The following TMTC1 variants were observed in gnomAD, a reference collection of about 807,000 sequenced individuals.
TMTC1 encodes protein O-mannosyl-transferase TMTC1.
Under a neutral mutation model 104.8 loss-of-function variants are expected in TMTC1, and 73 were observed. The ratio of observed to expected loss-of-function variants is 0.70; its 90% CI spans 0.58 to 0.85. The LOEUF is 0.85. TMTC1 is among the 40% of genes least tolerant of loss of function. The pLI is 0.00. For synonymous variants in TMTC1, 434 were observed against 428.7 expected, an observed-to-expected ratio of 1.01 and a Z score of -0.15; for missense variants, 1,035 against 1,096.1, an observed-to-expected ratio of 0.94 and a Z score of 0.79.
chr12:29,744,939 T>G (rs1439033378), intron 5 of TMTC1, among the ~76,000 whole-genome samples: 1 of 152,112 alleles, frequency 6.6e-6, no homozygotes, highest in Non-Finnish European at 1.5e-5. Flanking sequence ...TTTTTTTTCT[T>G]TTTAGAGGCA....
chr12:29,760,507 A>C (rs1207259225), intron 2 of TMTC1, among the ~76,000 whole-genome samples: 1 of 152,198 alleles, frequency 6.6e-6, no homozygotes, highest in East Asian at 1.9e-4. Context: ...CTAATTATTA[A>C]ATGAAAAAAC....
chr12:29,763,931 G>C (rs544497390), intron 2 of TMTC1, among the ~76,000 whole-genome samples: 44 of 152,208 alleles, frequency 2.9e-4, no homozygotes, highest in Admixed American at 1.3e-3. Flanking sequence ...AGTGAGGAGG[G>C]GCAATGGGAA....
chr12:29,701,303 G>A (rs139700931), intron 5 of TMTC1, among the ~76,000 whole-genome samples: 157 of 152,136 alleles, frequency 1.0e-3, no homozygotes, highest in South Asian at 1.9e-3. Flanking sequence ...CTGCATCCTC[G>A]AAGTCCACCA....
chr12:29,535,084 C>G (rs1944606608), intron 11 of TMTC1: 1 of 152,322 alleles, frequency 6.6e-6, no homozygotes, highest in South Asian at 2.1e-4. Flanking sequence ...ATCTGAGTAA[C>G]TGCAAAACAA....
At chr12:29,597,619 T>C (rs938547149) in intron 7 of TMTC1, among the ~76,000 whole-genome samples, 1 of 125,956 alleles carries the variant, frequency 7.9e-6, no homozygotes, top group South Asian at 2.3e-4. Flanking sequence ...AGACACGCCA[T>C]AAAATGTGAA....
intron 9 of TMTC1, among the ~76,000 whole-genome samples, chr12:29,571,738 G>A (rs1945684445): frequency 6.6e-6 from 1 of 151,972 alleles, no homozygotes; most frequent in African/African-American, 2.4e-5. Flanking sequence ...GATGTCTAGG[G>A]CTTTCTATAT....
intron 5 of TMTC1, among the ~76,000 whole-genome samples, chr12:29,743,149 G>A (rs1459494680): frequency 2.6e-5 from 4 of 152,078 alleles, no homozygotes; most frequent in East Asian, 1.9e-4. Flanking sequence ...TACTTCTGCC[G>A]TGGTACACAC....
At chr12:29,670,994 A>G (rs1436332931) in intron 5 of TMTC1, among the ~76,000 whole-genome samples, 1 of 144,842 alleles carries the variant, frequency 6.9e-6, no homozygotes, top group Non-Finnish European at 1.5e-5. Flanking sequence ...GATCCATTTA[A>G]GAAATTATCA....
At chr12:29,717,027 A>T (rs892746643) in intron 5 of TMTC1, among the ~76,000 whole-genome samples, 2 of 152,138 alleles carry the variant, frequency 1.3e-5, no homozygotes, top group Non-Finnish European at 2.9e-5. Flanking sequence ...GTCTCAAAAA[A>T]CAAACAAACA....
At chr12:29,580,566 A>C (rs2766604) in intron 8 of TMTC1, among the ~76,000 whole-genome samples, 80,800 of 152,026 alleles carry the variant, frequency 0.53, 24,596 homozygotes, top group Non-Finnish European at 0.67. Flanking sequence ...CAGTGAGGCT[A>C]TATGTTTTAG....
rs1446921546 is a variant in TMTC1, at chr12:29,767,885, C to T, written c.480+13G>A. ...TCATATTCGTTATTTCACTGAGATC[C>T]AATTACACTTACCGCCTCAGTATGA... On this transcript the variant is annotated intron_variant, in intron 2 of 17. Transcript: ENST00000539277. 6.2e-7 allele frequency: 1 copy of T among 1,612,654 alleles called. No homozygotes were observed. Among genetic ancestry groups the T allele is most frequent in the South Asian group, 1.1e-5 (1 of 91,008 alleles).
At chr12:29,517,320 G>C (rs1396741105) in intron 14 of TMTC1, 107 bp downstream of exon 14, 2 of 1,211,946 alleles carry the variant, frequency 1.7e-6, no homozygotes. Flanking sequence ...TCATACAGTG[G>C]ATATATTACG....
At chr12:29,591,083 T>C (rs1434304341) in intron 7 of TMTC1, among the ~76,000 whole-genome samples, 1 of 152,232 alleles carries the variant, frequency 6.6e-6, no homozygotes, top group African/African-American at 2.4e-5. Context: ...TATTGACATA[T>C]GGTTTAAAGA....
At chr12:29,675,496 C>T (rs189783102) in intron 5 of TMTC1, among the ~76,000 whole-genome samples, 12 of 152,068 alleles carry the variant, frequency 7.9e-5, no homozygotes, top group Admixed American at 6.6e-4. Context: ...CTCTAGTAAG[C>T]TGGTACAGTA....
intron 5 of TMTC1, among the ~76,000 whole-genome samples, chr12:29,707,664 C>T (rs1361263516): frequency 6.6e-6 from 1 of 152,212 alleles, no homozygotes; most frequent in African/African-American, 2.4e-5. Flanking sequence ...GGGTTGGCCT[C>T]TGCACATGTG....
intron 1 of TMTC1, among the ~76,000 whole-genome samples, chr12:29,770,679 T>C (rs1016398524): frequency 5.3e-5 from 8 of 152,176 alleles, no homozygotes; most frequent in Non-Finnish European, 8.8e-5. Flanking sequence ...GAACCTAACA[T>C]TGGTGAATCT....
At position 29,783,528 on chromosome 12, in the gene TMTC1, G is replaced by A; in HGVS notation, c.224C>T (p.Thr75Ile). ...PGAPLRWGIFTNDFWGKGMAE... is the reference protein window; with the variant it reads ...PGAPLRWGIFINDFWGKGMAE... Reference sequence around the variant, plus strand: ...CATGCCCTTGCCCCAGAAGTCGTTGGTGAAGATGCCCCAGCGGAGCGGGGC... The same window carrying A: ...CATGCCCTTGCCCCAGAAGTCGTTGATGAAGATGCCCCAGCGGAGCGGGGC... Residue 75 changes from threonine (T) to isoleucine (I), a missense_variant, in exon 1 of 18, where the codon ACC becomes ATC. Thr to Ile is a moderately conservative substitution (Grantham distance 89). Transcript: ENST00000539277. This position sits in a 1 kb window ranked among gnomAD's most constrained non-coding sequence, Gnocchi z 4.7. 6.9e-7 allele frequency: 1 copy of A among 1,458,970 alleles called. No individual in the cohort carries two copies. Among genetic ancestry groups the A allele is most frequent in the Non-Finnish European group, 9.0e-7 (1 of 1,105,744 alleles). The allele number at this position is 1,458,970 out of a possible 1,614,324, so 90.4% of individuals were successfully genotyped here.
intron 5 of TMTC1, among the ~76,000 whole-genome samples, chr12:29,646,474 A>T (rs778778535): frequency 1.3e-5 from 2 of 152,174 alleles, no homozygotes; most frequent in Non-Finnish European, 2.9e-5. Flanking sequence ...CAATATGTAG[A>T]TTTAAAGGAT....
chr12:29,593,553 T>C (rs1946335668), intron 7 of TMTC1, among the ~76,000 whole-genome samples: 1 of 152,338 alleles, frequency 6.6e-6, no homozygotes, highest in African/African-American at 2.4e-5. Flanking sequence ...AGAACAGATA[T>C]TGCAGAAGGT....
Sources: allele counts gnomAD v4.1 joint callset (sites outside exome capture counted in the v4.1 genomes callset), GRCh38; gene constraint gnomAD v4.1.1; non-coding constraint Gnocchi (gnomAD v3.1); transcripts MANE v1.5; gene names NCBI Gene and HGNC (gene_info 2026-07-23, HGNC 2026-07-21).